TMEM108: variants seen among roughly 807,000 people sequenced by gnomAD.
TMEM108 encodes cancer/testis antigen 124.
TMEM108 carries 12 observed loss-of-function variants against 35.1 expected under a neutral mutation model. That is an observed-to-expected ratio of 0.34 (90% confidence interval 0.22 to 0.55). The LOEUF (loss-of-function observed/expected upper bound fraction) is 0.55. TMEM108 is among the 20% of genes least tolerant of loss of function. The pLI is 0.89. For missense variants in TMEM108, 680 were observed against 753.3 expected (o/e 0.90, Z 1.14); for synonymous variants, 287 against 308.6 (o/e 0.93, Z 0.73).
chr3:133,059,398 A>G (rs1390000514), intron 2 of TMEM108, among the ~76,000 whole-genome samples: 1 of 152,124 alleles, frequency 6.6e-6, no homozygotes, highest in Non-Finnish European at 1.5e-5. Context: ...CAGATTCTGC[A>G]TACCTCCAAA....
At chr3:133,059,113 C>T (rs1427103446) in intron 2 of TMEM108, among the ~76,000 whole-genome samples, 2 of 152,200 alleles carry the variant, frequency 1.3e-5, no homozygotes, top group South Asian at 2.1e-4. Context: ...GGCTTTCTGG[C>T]TTTGGATTAC....
At chr3:133,282,320 A>C (rs1426219305) in intron 3 of TMEM108, among the ~76,000 whole-genome samples, 1 of 152,220 alleles carries the variant, frequency 6.6e-6, no homozygotes, top group Non-Finnish European at 1.5e-5. Flanking sequence ...ATAAGAATCA[A>C]AAGGGACTCT....
chr3:133,380,570 G>A lies in TMEM108; in HGVS notation c.859G>A (p.Gly287Ser), dbSNP rs1313906817. The A allele has an allele frequency of 1.2e-6, 2 of 1,612,786 alleles. No individual in the cohort carries two copies. The highest frequency in any genetic ancestry group is 1.7e-6 in the Non-Finnish European group (2 of 1,179,082). The change falls in exon 4 of 6, where the codon GGT (glycine) becomes AGT (serine). Residue 287 changes from glycine (G) to serine (S), a missense_variant. By Grantham distance (56) the Gly-to-Ser change is moderately conservative. Around this residue, in one of 3 missense-constraint regions of TMEM108, gnomAD observed 526 missense variants for 532.1 expected, o/e 0.99. Coordinates refer to ENST00000321871, the MANE Select transcript of TMEM108 (RefSeq NM_023943.4). This position sits in a 1 kb window ranked among gnomAD's most constrained non-coding sequence, Gnocchi z 5.3. The stretch of plus-strand genomic sequence containing the variant: ...AGGCCTTCGCAGAGCAGCCCAGGGG[G>A]GTGGTTCTACCTTCACCAGCCAAGG... ...KPGLRRAAQG[G>S]GSTFTSQGGT...
chr3:133,265,009 C>G (rs765764843), intron 3 of TMEM108, among the ~76,000 whole-genome samples: 1 of 152,216 alleles, frequency 6.6e-6, no homozygotes, highest in South Asian at 2.1e-4. Context: ...TCAGGAATGA[C>G]TCTTGCTGGG....
chr3:133,173,337 T>C (rs1232363818), intron 2 of TMEM108, among the ~76,000 whole-genome samples: 1 of 152,204 alleles, frequency 6.6e-6, no homozygotes, highest in Non-Finnish European at 1.5e-5. Flanking sequence ...GTGAAATTTG[T>C]AAAAGCTATC....
intron 2 of TMEM108, among the ~76,000 whole-genome samples, chr3:133,219,482 T>C (rs1178121231): frequency 6.6e-6 from 1 of 152,124 alleles, no homozygotes; most frequent in East Asian, 1.9e-4. Flanking sequence ...CTTTTATTGC[T>C]GTAAATTTTC....
intron 2 of TMEM108, among the ~76,000 whole-genome samples, chr3:133,122,983 C>T (rs1944372572): frequency 6.6e-6 from 1 of 152,086 alleles, no homozygotes; most frequent in Non-Finnish European, 1.5e-5. Flanking sequence ...TGTTAAGTCT[C>T]TGCAAATTCT....
intron 5 of TMEM108, among the ~76,000 whole-genome samples, chr3:133,394,177 A>C (rs2073273751): frequency 6.6e-6 from 1 of 152,236 alleles, no homozygotes; most frequent in Non-Finnish European, 1.5e-5. Context: ...TAGAGCAATC[A>C]TAAGGTCCCA....
At chr3:133,353,095 C>T (rs2072055374) in intron 3 of TMEM108, among the ~76,000 whole-genome samples, 1 of 152,200 alleles carries the variant, frequency 6.6e-6, no homozygotes, top group Non-Finnish European at 1.5e-5. Flanking sequence ...GTCACAACCA[C>T]TTAACCACCT....
Position 133,155,024 on chromosome 3 carries a change from G to A in TMEM108, c.-46-74242G>A, listed in dbSNP as rs1272101961. Reference sequence around the variant, plus strand: ...CTCCCCACTTCCACTTTCCTCTCAAGTAGTCCCCAGTGTCTGTTGTTCCCC... The same window carrying A: ...CTCCCCACTTCCACTTTCCTCTCAAATAGTCCCCAGTGTCTGTTGTTCCCC... On this transcript the variant is annotated intron_variant, in intron 2 of 5. Coordinates refer to ENST00000321871, the MANE Select transcript of TMEM108 (RefSeq NM_023943.4). Among the ~76,000 whole-genome samples, 4 of 151,954 alleles carry A rather than the reference G, an allele frequency of 2.6e-5. No individual in the cohort carries two copies. In the East Asian group the frequency reaches 7.7e-4, roughly 29 times the overall value.
intron 2 of TMEM108, among the ~76,000 whole-genome samples, chr3:133,197,995 C>T (rs1272577704): frequency 6.6e-6 from 1 of 152,124 alleles, no homozygotes; most frequent in Non-Finnish European, 1.5e-5. Context: ...TAATGACATG[C>T]AAGTATCTTC....
At chr3:133,366,626 T>C (rs72980033) in intron 3 of TMEM108, among the ~76,000 whole-genome samples, 2 of 152,358 alleles carry the variant, frequency 1.3e-5, no homozygotes, top group Non-Finnish European at 1.5e-5. Flanking sequence ...AATGGTGTTA[T>C]TAGTTTTTCT....
chr3:133,101,570 T>C (rs763425646), intron 2 of TMEM108, among the ~76,000 whole-genome samples: 2 of 152,246 alleles, frequency 1.3e-5, no homozygotes, highest in African/African-American at 2.4e-5. Flanking sequence ...AGTCTGGGCT[T>C]CATTCCTGTT....
intron 2 of TMEM108, among the ~76,000 whole-genome samples, chr3:133,199,732 G>T (rs1945633031): frequency 6.6e-6 from 1 of 152,058 alleles, no homozygotes; most frequent in South Asian, 2.1e-4. Context: ...ACTTGAGGAG[G>T]CAGTCTGTCC....
intron 2 of TMEM108, among the ~76,000 whole-genome samples, chr3:133,179,721 G>T (rs963235143): frequency 1.3e-3 from 194 of 152,168 alleles, no homozygotes; most frequent in African/African-American, 4.4e-3. Flanking sequence ...ATGAGTTACT[G>T]GGTGCAGCAC....
intron 3 of TMEM108, among the ~76,000 whole-genome samples, chr3:133,231,982 C>G (rs754897084): frequency 1.9e-4 from 29 of 152,110 alleles, no homozygotes; most frequent in Non-Finnish European, 2.6e-4. Flanking sequence ...CTCTCTGACC[C>G]CTGCATATGT....
intron 2 of TMEM108, among the ~76,000 whole-genome samples, chr3:133,174,258 A>G (rs1424736518): frequency 6.6e-6 from 1 of 152,236 alleles, no homozygotes; most frequent in African/African-American, 2.4e-5. Flanking sequence ...GGGACGGGGC[A>G]TTGCCAAACA....
intron 2 of TMEM108, among the ~76,000 whole-genome samples, chr3:133,122,338 G>T (rs756144376): frequency 6.6e-6 from 1 of 152,100 alleles, no homozygotes; most frequent in Non-Finnish European, 1.5e-5. Flanking sequence ...CACATTTAAA[G>T]TATAAACTTC....
intron 3 of TMEM108, among the ~76,000 whole-genome samples, chr3:133,233,076 C>CATGT (rs1946177777): frequency 6.8e-6 from 1 of 148,008 alleles, no homozygotes; most frequent in Admixed American, 6.7e-5. Context: ...TTTTAGGGTA[C>CATGT]ATGTGCACAA....
Sources: allele counts gnomAD v4.1 joint callset (sites outside exome capture counted in the v4.1 genomes callset), GRCh38; gene constraint gnomAD v4.1.1; regional missense constraint gnomAD v4.1.1; non-coding constraint Gnocchi (gnomAD v3.1); transcripts MANE v1.5; gene names NCBI Gene and HGNC (gene_info 2026-07-23, HGNC 2026-07-21).